The following ZHX3 variants were observed in gnomAD, a reference collection of about 807,000 sequenced individuals.
ZHX3 encodes zinc fingers and homeoboxes protein 3.
In ZHX3, 20 loss-of-function variants were observed where a neutral mutation model predicts 64.5. The ratio of observed to expected loss-of-function variants is 0.31; its 90% confidence interval spans 0.22 to 0.45. The LOEUF is 0.45. Among genes scored for constraint, ZHX3 ranks in the 20% least tolerant of loss-of-function variants. The pLI is 1.00. For missense variants in ZHX3, 1,041 were observed against 1,195.8 expected, an observed-to-expected ratio of 0.87 and a Z score of 1.91; for synonymous variants, 423 against 461.6, an observed-to-expected ratio of 0.92 and a Z score of 1.07.
At chr20:41,246,392 T>C (rs1252449223) in intron 2 of ZHX3, among the ~76,000 whole-genome samples, 1 of 152,222 alleles carries the variant, frequency 6.6e-6, no homozygotes, top group Non-Finnish European at 1.5e-5. Context: ...CATTTTAAAA[T>C]TACATTTATT....
rs144737996 is a variant in ZHX3, at chr20:41,226,870, C to T, written c.-150-21804G>A. The stretch of plus-strand genomic sequence containing the variant: ...CCCAGGTCTGAGCAGAATGAAGCTG[C>T]AGGTACTCAGGGTCTAAGCCCCCTG... On this transcript the variant is annotated intron_variant, in intron 2 of 3. Coordinates refer to ENST00000683867, the MANE Select transcript of ZHX3 (RefSeq NM_001384317.1). The surrounding 1 kb of genome is among the most constrained non-coding windows in gnomAD (Gnocchi z 4.4). 2.6e-5 allele frequency among the ~76,000 whole-genome samples: 4 copies of T among 152,320 alleles called. No individual in the cohort carries two copies. In the East Asian group the frequency reaches 7.7e-4, roughly 29 times the overall value.
chr20:41,249,928 C>A (rs745691486), intron 2 of ZHX3, among the ~76,000 whole-genome samples: 2 of 152,182 alleles, frequency 1.3e-5, no homozygotes, highest in African/African-American at 4.8e-5. Context: ...AACCCCCAAC[C>A]TAGCAACAGA....
In ZHX3 at chr20:41,316,276, T is replaced by C. The variant is rs2045285651; in HGVS notation, c.-245+1233A>G. ...TTTTCATTCATTTTCTATGTGTCTT[T>C]GATACTATTTTGCGCTTCTGGATTT... On this transcript the variant is annotated intron_variant, in intron 1 of 3. Transcript: ENST00000683867. Among the ~76,000 whole-genome samples, 4 of 152,236 alleles carry C rather than the reference T, an allele frequency of 2.6e-5. No individual in the cohort carries two copies. In the South Asian group the frequency reaches 8.3e-4, roughly 31 times the overall value.
rs760424604 is a variant in ZHX3 at position 41,181,417 on chromosome 20, C to G, written c.*3774G>C. On this transcript the variant is annotated 3_prime_UTR_variant, in exon 4 of 4. Coordinates refer to ENST00000683867, the MANE Select transcript of ZHX3 (RefSeq NM_001384317.1). ...AAGATGACTTTAGGAAAATCCTAAA[C>G]GAGGTTTGGTTTTAAAATTTTCTTC... 5 of 152,160 alleles carry G rather than the reference C, an allele frequency of 3.3e-5. No homozygotes were observed. Among genetic ancestry groups the G allele is most frequent in the African/African-American group, 1.2e-4 (5 of 41,430 alleles). The allele number at this position is 152,160 out of a possible 1,614,324, so 9.4% of individuals were successfully genotyped here. A position where few individuals can be genotyped will look rare whatever the true frequency, so the allele number is the denominator to read the frequency against.
intron 2 of ZHX3, among the ~76,000 whole-genome samples, chr20:41,208,536 C>T (rs964559383): frequency 2.0e-5 from 3 of 152,196 alleles, no homozygotes; most frequent in South Asian, 2.1e-4. Context: ...GCTGGTTCAA[C>T]ATATGCAAAT....
chr20:41,234,322 T>C (rs150316732), intron 2 of ZHX3, among the ~76,000 whole-genome samples: 152 of 152,328 alleles, frequency 1.0e-3, no homozygotes, highest in Non-Finnish European at 1.7e-3. Flanking sequence ...AAGTAATTAG[T>C]TCATATGTGT....
At position 41,208,706 on chromosome 20, in the gene ZHX3, C is replaced by T. The variant is rs1284272795; in HGVS notation, c.-150-3640G>A. Among the ~76,000 whole-genome samples the T allele has an allele frequency of 2.6e-5, 4 of 151,024 alleles. No homozygotes were observed. The East Asian group carries it at 7.8e-4, about 30-fold the overall frequency. On this transcript the variant is annotated intron_variant, in intron 2 of 3. Coordinates refer to ENST00000683867, the MANE Select transcript of ZHX3 (RefSeq NM_001384317.1). ...GGGACGTATCTCAAAATAATAAGAG[C>T]TATTTATGACAAACCCACAGCCAAT...
chr20:41,197,997 CTCTTTT>C (rs2037890891), intron 3 of ZHX3, among the ~76,000 whole-genome samples: 1 of 138,236 alleles, frequency 7.2e-6, no homozygotes, highest in African/African-American at 2.8e-5. Flanking sequence ...TTAACTAGTG[CTCTTTT>C]TTTTTTTTTT....
intron 1 of ZHX3, among the ~76,000 whole-genome samples, chr20:41,309,454 G>T (rs1289298943): frequency 6.6e-6 from 1 of 152,136 alleles, no homozygotes; most frequent in African/African-American, 2.4e-5. Flanking sequence ...ATAGAGCCTG[G>T]AATCTGTTTT....
intron 1 of ZHX3, among the ~76,000 whole-genome samples, chr20:41,305,386 G>A (rs6129807): frequency 0.26 from 39,118 of 151,746 alleles, 5,832 homozygotes; most frequent in East Asian, 0.73. Context: ...CCAGCTACTC[G>A]GGAGGCTGAG....
intron 1 of ZHX3, among the ~76,000 whole-genome samples, chr20:41,288,294 A>G (rs995144582): frequency 6.6e-6 from 1 of 152,358 alleles, no homozygotes; most frequent in Admixed American, 6.5e-5. Context: ...TGGTGGAATT[A>G]CAGGTGTGAG....
chr20:41,223,937 T>C (rs2040107262), intron 2 of ZHX3, among the ~76,000 whole-genome samples: 2 of 152,208 alleles, frequency 1.3e-5, no homozygotes, highest in Non-Finnish European at 2.9e-5. Context: ...GCTTTTGGTG[T>C]AACTTCTGTA....
In ZHX3 at chr20:41,226,501, T is replaced by C. The variant is rs1240634638; in HGVS notation, c.-150-21435A>G. Among the ~76,000 whole-genome samples, 2 of 152,226 alleles carry C rather than the reference T, an allele frequency of 1.3e-5. No individual in the cohort carries two copies. The highest frequency in any genetic ancestry group is 4.8e-5 in the African/African-American group (2 of 41,462). ...ATTGTGAATAATGCTGCAGTGAATA[T>C]GGGTGTGCAAATATCTCTTTGGGAT... On this transcript the variant is annotated intron_variant, in intron 2 of 3. Coordinates refer to ENST00000683867, the MANE Select transcript of ZHX3 (RefSeq NM_001384317.1). The surrounding 1 kb of genome is among the most constrained non-coding windows in gnomAD (Gnocchi z 4.4).
intron 2 of ZHX3, among the ~76,000 whole-genome samples, chr20:41,211,789 T>G (rs1290513209): frequency 6.6e-6 from 1 of 152,226 alleles, no homozygotes; most frequent in Non-Finnish European, 1.5e-5. Context: ...AGGATGTTTT[T>G]CTTCTATCAA....
At chr20:41,267,127 G>C (rs951145969) in intron 2 of ZHX3, among the ~76,000 whole-genome samples, 1 of 152,108 alleles carries the variant, frequency 6.6e-6, no homozygotes, top group Admixed American at 6.5e-5. Context: ...GATTACAGGC[G>C]TGAGCCACCG....
chr20:41,250,593 A>G (rs2041943486), intron 2 of ZHX3, among the ~76,000 whole-genome samples: 1 of 152,206 alleles, frequency 6.6e-6, no homozygotes, highest in African/African-American at 2.4e-5. Flanking sequence ...TATCAGAGTC[A>G]CAGGAGAGAA....
chr20:41,313,650 T>A (rs1684046765), intron 1 of ZHX3, among the ~76,000 whole-genome samples: 1 of 138,606 alleles, frequency 7.2e-6, no homozygotes, highest in Non-Finnish European at 1.5e-5. Context: ...CAGGCTGGAG[T>A]GCAGTGGCGA....
chr20:41,209,483 G>A (rs2038989964), intron 2 of ZHX3, among the ~76,000 whole-genome samples: 1 of 152,126 alleles, frequency 6.6e-6, no homozygotes. Context: ...CATGGTACTG[G>A]TACCAAAACA....
intron 2 of ZHX3, among the ~76,000 whole-genome samples, chr20:41,211,102 G>A (rs1045468616): frequency 4.6e-5 from 7 of 152,030 alleles, no homozygotes; most frequent in Admixed American, 6.6e-5. Context: ...ATAAAAGACC[G>A]AAATTAAACA....
Sources: gnomAD v4.1 joint callset for allele counts (sites outside exome capture counted in the v4.1 genomes callset) on GRCh38, gnomAD v4.1.1 for gene constraint, Gnocchi (gnomAD v3.1) non-coding constraint, MANE v1.5 for transcripts, NCBI Gene and HGNC (gene_info 2026-07-23, HGNC 2026-07-21) for gene names.